The following DLC1 variants were observed in gnomAD, a reference collection of about 807,000 sequenced individuals.
DLC1 encodes rho GTPase-activating protein 7.
Under a neutral mutation model 140.3 loss-of-function variants are expected in DLC1, and 54 were observed. That is an observed-to-expected ratio of 0.38 (90% CI 0.31 to 0.48). The LOEUF is 0.48. Among genes scored for constraint, DLC1 ranks in the 20% least tolerant of loss-of-function variants. The pLI is 0.96. For synonymous variants in DLC1, 986 were observed against 728.1 expected, an observed-to-expected ratio of 1.35 and a Z score of -5.70; for missense variants, 2,536 against 1,907.0, an observed-to-expected ratio of 1.33 and a Z score of -6.14.
At chr8:13,418,347 G>T (rs1680410701) in intron 2 of DLC1, among the ~76,000 whole-genome samples, 1 of 152,156 alleles carries the variant, frequency 6.6e-6, no homozygotes, top group Admixed American at 6.5e-5. Flanking sequence ...CATCGTTTTA[G>T]GTCTAACGTT....
intron 1 of DLC1, among the ~76,000 whole-genome samples, chr8:13,595,360 A>G (rs1249553190): frequency 1.3e-5 from 2 of 152,062 alleles, no homozygotes; most frequent in Non-Finnish European, 2.9e-5. Context: ...AACATCAGTG[A>G]GTGTAGCATC....
chr8:13,282,505 A>G (rs549674617), intron 5 of DLC1, among the ~76,000 whole-genome samples: 1 of 152,336 alleles, frequency 6.6e-6, no homozygotes, highest in Admixed American at 6.5e-5. Flanking sequence ...AATGTAAAAA[A>G]TCTATAACTT....
intron 2 of DLC1, among the ~76,000 whole-genome samples, chr8:13,461,284 C>T (rs151187181): frequency 2.6e-5 from 4 of 152,332 alleles, no homozygotes; most frequent in African/African-American, 9.6e-5. Context: ...GTATTTGTAT[C>T]CCATACCAAT....
Position 13,090,300 on chromosome 8 carries a change from G to A in DLC1, c.4026C>T (p.Gly1342=). ...LFKEVKEKFK[G]WVSYSTSEQA... ...GCTCCGAAGTGGAGTAGCTGACCCA[G>A]CCTTTAAACTTCTCTTTGACTTCTT... is the stretch of plus-strand genomic sequence containing the variant. Residue 1342 remains glycine, a synonymous_variant, in exon 15 of 18, where the codon GGC becomes GGT. Coordinates refer to ENST00000276297, the MANE Select transcript of DLC1 (RefSeq NM_182643.3). 1 of 1,614,200 alleles carries A rather than the reference G, an allele frequency of 6.2e-7. No individual in the cohort carries two copies. The highest frequency in any genetic ancestry group is 1.1e-5 in the South Asian group (1 of 91,082).
chr8:13,345,287 T>C (rs563623690), intron 4 of DLC1, among the ~76,000 whole-genome samples: 5 of 152,106 alleles, frequency 3.3e-5, no homozygotes, highest in Non-Finnish European at 7.4e-5. Flanking sequence ...CAGGAGTTAT[T>C]GTAATAACAA....
chr8:13,141,371 T>G (rs1343841367), intron 5 of DLC1, among the ~76,000 whole-genome samples: 1 of 151,704 alleles, frequency 6.6e-6, no homozygotes, highest in Non-Finnish European at 1.5e-5. Flanking sequence ...GTGCAATATA[T>G]GTATGTGTGC....
chr8:13,090,020 T>A (rs1201332535), intron 15 of DLC1, among the ~76,000 whole-genome samples: 1 of 152,188 alleles, frequency 6.6e-6, no homozygotes, highest in Non-Finnish European at 1.5e-5. Flanking sequence ...AAGGAGTTCA[T>A]TAGAAATAGT....
intron 5 of DLC1, among the ~76,000 whole-genome samples, chr8:13,197,106 A>T (rs1827108115): frequency 6.6e-6 from 1 of 152,196 alleles, no homozygotes; most frequent in African/African-American, 2.4e-5. Flanking sequence ...TTAATCCTGC[A>T]TATAGTTTCC....
At chr8:13,212,987 A>G (rs1585921736) in intron 5 of DLC1, among the ~76,000 whole-genome samples, 3 of 152,116 alleles carry the variant, frequency 2.0e-5, no homozygotes, top group African/African-American at 7.2e-5. Flanking sequence ...TAGATTTTTA[A>G]ATGGCTTAAT....
At chr8:13,164,086 C>G (rs965701509) in intron 5 of DLC1, among the ~76,000 whole-genome samples, 1 of 152,194 alleles carries the variant, frequency 6.6e-6, no homozygotes, top group African/African-American at 2.4e-5. Context: ...CACCTGAGGT[C>G]AGGAGTTTGA....
intron 12 of DLC1, among the ~76,000 whole-genome samples, chr8:13,093,560 C>T (rs1019443274): frequency 2.0e-5 from 3 of 152,192 alleles, no homozygotes; most frequent in Admixed American, 6.5e-5. Context: ...ATCTTCAGGT[C>T]TCCTTGAATA....
intron 1 of DLC1, among the ~76,000 whole-genome samples, chr8:13,572,402 T>C (rs978232417): frequency 6.6e-6 from 1 of 152,220 alleles, no homozygotes; most frequent in Non-Finnish European, 1.5e-5. Context: ...TTATCAGATA[T>C]ATGATTTGCA....
At chr8:13,278,389 G>C (rs1831250184) in intron 5 of DLC1, among the ~76,000 whole-genome samples, 2 of 152,182 alleles carry the variant, frequency 1.3e-5, no homozygotes, top group Admixed American at 6.5e-5. Context: ...TTTTGCAGAG[G>C]AATGGCATGA....
chr8:13,250,356 A>C lies in DLC1; in HGVS notation c.1348+54913T>G, dbSNP rs76149810. Among the ~76,000 whole-genome samples the C allele has an allele frequency of 4.5e-3, 693 of 152,310 alleles. 4 individuals are homozygous for C. The highest frequency in any genetic ancestry group is 0.016 in the African/African-American group (665 of 41,560). On this transcript the variant is annotated intron_variant, in intron 5 of 17. Transcript: ENST00000276297. The stretch of plus-strand genomic sequence containing the variant: ...TCAAAGAGTTCTCCTGGTTGAAGTC[A>C]GCTGGCCCACACAGTATCATTTCTT...
chr8:13,104,388 T>C (rs1819379579), intron 7 of DLC1, among the ~76,000 whole-genome samples: 1 of 146,438 alleles, frequency 6.8e-6, no homozygotes, highest in East Asian at 2.0e-4. Context: ...GGAGAAATAA[T>C]GCAACAGTTG....
chr8:13,395,701 A>G (rs1485463910), intron 3 of DLC1, among the ~76,000 whole-genome samples: 1 of 152,170 alleles, frequency 6.6e-6, no homozygotes, highest in Non-Finnish European at 1.5e-5. Context: ...AAGGGTACAA[A>G]AGACATACGC....
chr8:13,188,697 T>C (rs1826534168), intron 5 of DLC1, among the ~76,000 whole-genome samples: 1 of 144,562 alleles, frequency 6.9e-6, no homozygotes, highest in Admixed American at 7.0e-5. Flanking sequence ...TTCGTCCAAC[T>C]GGGTTTCAGT....
At chr8:13,489,090 G>A (rs976563371) in intron 2 of DLC1, among the ~76,000 whole-genome samples, 4 of 152,132 alleles carry the variant, frequency 2.6e-5, no homozygotes, top group African/African-American at 4.8e-5. Flanking sequence ...TGGGATTACA[G>A]GTGCATGCCA....
intron 1 of DLC1, among the ~76,000 whole-genome samples, chr8:13,581,326 A>G (rs1181986817): frequency 3.9e-5 from 6 of 152,218 alleles, no homozygotes; most frequent in Non-Finnish European, 5.9e-5. Context: ...ATTTGCTTCT[A>G]AATAGGTACC....
Sources: gnomAD v4.1 joint callset for allele counts (sites outside exome capture counted in the v4.1 genomes callset) on GRCh38, gnomAD v4.1.1 for gene constraint, MANE v1.5 for transcripts, NCBI Gene and HGNC (gene_info 2026-07-23, HGNC 2026-07-21) for gene names.